Variants in PHACTR3 observed in about 807,000 individuals in gnomAD.
The protein encoded by PHACTR3 is protein phosphatase 1, regulatory subunit 123.
In PHACTR3, 16 loss-of-function variants were observed where a neutral mutation model predicts 66.8. The ratio of observed to expected loss-of-function variants is 0.24; its 90% CI spans 0.16 to 0.36. PHACTR3 has a LOEUF of 0.36. Ranked by LOEUF, PHACTR3 falls within the 10% of genes least tolerant of loss-of-function variation. The probability of loss-of-function intolerance (pLI) is 1.00; values close to 1 mark genes in which losing one functional copy is unlikely to be tolerated. For synonymous variants in PHACTR3, 323 were observed against 292.1 expected, an observed-to-expected ratio of 1.11 and a Z score of -1.08; for missense variants, 647 against 719.9, an observed-to-expected ratio of 0.90 and a Z score of 1.16.
chr20:59,737,242 T>C (rs1394654143), intron 1 of PHACTR3, among the ~76,000 whole-genome samples: 1 of 152,122 alleles, frequency 6.6e-6, no homozygotes, highest in Non-Finnish European at 1.5e-5. Flanking sequence ...TCACAGTCGG[T>C]CAGTCGACAC....
intron 5 of PHACTR3, among the ~76,000 whole-genome samples, chr20:59,768,640 G>A (rs960715721): frequency 3.9e-5 from 6 of 152,228 alleles, no homozygotes; most frequent in African/African-American, 1.4e-4. Flanking sequence ...AGAGGTGTCA[G>A]CTGCTGAGAC....
At chr20:59,843,492 A>G (rs192862406) in intron 11 of PHACTR3, 1 of 152,328 alleles carries the variant, frequency 6.6e-6, no homozygotes, top group African/African-American at 2.4e-5. Flanking sequence ...AAAGACACAT[A>G]GACCAATGGA....
rs71183177 is a variant in PHACTR3, at chr20:59,622,981, C to CAAAAAAAAAAA, written c.118+17859_118+17869dup. Among the ~76,000 whole-genome samples the CAAAAAAAAAAA allele has an allele frequency of 1.5e-3, 48 of 32,206 alleles. 8 individuals are homozygous for CAAAAAAAAAAA. The highest frequency in any genetic ancestry group is 1.9e-3 in the African/African-American group (14 of 7,246). 21.1% of individuals were successfully genotyped at this position (32,206 alleles called of 152,430 possible). On this transcript the variant is annotated intron_variant, in intron 1 of 12. Coordinates refer to ENST00000371015, the MANE Select transcript of PHACTR3 (RefSeq NM_080672.5). Reference sequence around the variant, plus strand: ...ATTCTAATTTTACAGCAGCTTTAACCAAAAAAAAAAAAAAAAAAAACCCAA... The same window carrying CAAAAAAAAAAA: ...ATTCTAATTTTACAGCAGCTTTAACCAAAAAAAAAAAAAAAAAAAAAAAAAAAAAAACCCAA...
At chr20:59,709,415 C>G (rs1416390) in intron 1 of PHACTR3, among the ~76,000 whole-genome samples, 52,059 of 152,072 alleles carry the variant, frequency 0.34, 9,813 homozygotes, top group Middle Eastern at 0.46. Context: ...TCTAAACCAC[C>G]CTTTGCCAGT....
At chr20:59,726,964 A>G (rs1208286371) in intron 1 of PHACTR3, among the ~76,000 whole-genome samples, 11 of 152,152 alleles carry the variant, frequency 7.2e-5, no homozygotes, top group Admixed American at 6.5e-4. Context: ...AATTTAAATA[A>G]CCAAAGAGTA....
rs2059154896 is a variant in PHACTR3 at position 59,846,678 on chromosome 20, A to ATT, written c.1665-436_1665-435dup. Among the ~76,000 whole-genome samples the ATT allele has an allele frequency of 4.6e-5, 7 of 152,146 alleles. No individual in the cohort carries two copies. In the South Asian group the frequency reaches 1.5e-3, roughly 32 times the overall value. On this transcript the variant is annotated intron_variant, in intron 12 of 12. Coordinates refer to ENST00000371015, the MANE Select transcript of PHACTR3 (RefSeq NM_080672.5). ...TAAAATGTGGTATAAAGACCCTAAA[A>ATT]TTATTTCAACAATTCAAGAGTCAGA...
chr20:59,589,675 T>C (rs776529526), intron 1 of PHACTR3, among the ~76,000 whole-genome samples: 2 of 152,180 alleles, frequency 1.3e-5, no homozygotes, highest in African/African-American at 2.4e-5. Flanking sequence ...AACAACTCTC[T>C]TAAGTATATA....
At chr20:59,657,594 T>C (rs1568682142) in intron 1 of PHACTR3, among the ~76,000 whole-genome samples, 1 of 152,164 alleles carries the variant, frequency 6.6e-6, no homozygotes, top group African/African-American at 2.4e-5. Context: ...ACAGTTGTTT[T>C]ATTTTCTCCT....
intron 7 of PHACTR3, among the ~76,000 whole-genome samples, chr20:59,775,588 T>C (rs1484239940): frequency 6.6e-6 from 1 of 151,412 alleles, no homozygotes; most frequent in Non-Finnish European, 1.5e-5. Flanking sequence ...ATGAAAGGGG[T>C]GGGGGTGCTG....
At chr20:59,700,395 T>C (rs1330239325) in intron 1 of PHACTR3, among the ~76,000 whole-genome samples, 2 of 152,248 alleles carry the variant, frequency 1.3e-5, no homozygotes, top group Non-Finnish European at 2.9e-5. Context: ...ACATATGTTC[T>C]GATGACTGCA....
chr20:59,604,422 A>AC (rs2033583551), upstream of PHACTR3: 1 of 181,782 alleles, frequency 5.5e-6, no homozygotes, highest in Non-Finnish European at 1.0e-5. Context: ...GGTATGTGCG[A>AC]CCCCTCCCAG....
At chr20:59,632,023 C>A (rs2034682552) in intron 1 of PHACTR3, among the ~76,000 whole-genome samples, 1 of 152,202 alleles carries the variant, frequency 6.6e-6, no homozygotes, top group Non-Finnish European at 1.5e-5. Context: ...TCTGAACCTG[C>A]CTCCCTATCG....
chr20:59,671,819 T>C (rs2036204943), intron 1 of PHACTR3, among the ~76,000 whole-genome samples: 1 of 152,224 alleles, frequency 6.6e-6, no homozygotes, highest in Admixed American at 6.5e-5. Context: ...ACCTGCCTTC[T>C]CCAGTTAGGC....
chr20:59,813,290 G>T (rs974663691), intron 8 of PHACTR3, among the ~76,000 whole-genome samples: 1 of 152,330 alleles, frequency 6.6e-6, no homozygotes, highest in South Asian at 2.1e-4. Context: ...AAGCGCTGAC[G>T]GTTTCTCTTG....
chr20:59,788,418 C>T (rs575498682), intron 7 of PHACTR3, among the ~76,000 whole-genome samples: 2 of 152,244 alleles, frequency 1.3e-5, no homozygotes, highest in South Asian at 4.1e-4. Flanking sequence ...AGCCCCTCCT[C>T]CCCCATTGTT....
At chr20:59,776,517 AGCCCCTGG>A (rs1409741093) in intron 7 of PHACTR3, among the ~76,000 whole-genome samples, 1 of 24,218 alleles carries the variant, frequency 4.1e-5, no homozygotes, top group Non-Finnish European at 2.6e-4. Flanking sequence ...CGGGGAGGAT[AGCCCCTGG>A]GGAGGACAGC....
intron 4 of PHACTR3, among the ~76,000 whole-genome samples, chr20:59,765,234 A>G (rs1441181225): frequency 2.0e-5 from 3 of 152,262 alleles, no homozygotes; most frequent in South Asian, 2.1e-4. Context: ...GTCAGATGAC[A>G]TAATGACAGT....
chr20:59,681,221 G>C (rs117396337), intron 1 of PHACTR3, among the ~76,000 whole-genome samples: 4,275 of 152,284 alleles, frequency 0.028, 80 homozygotes, highest in Middle Eastern at 0.065. Context: ...ATTTGCCCAT[G>C]CTGATTTGTT....
At chr20:59,621,924 C>A (rs2146366770) in intron 1 of PHACTR3, among the ~76,000 whole-genome samples, 1 of 152,344 alleles carries the variant, frequency 6.6e-6, no homozygotes, top group South Asian at 2.1e-4. Flanking sequence ...GGCACAGCCT[C>A]TGAGACTCAC....
Sources: allele counts gnomAD v4.1 joint callset (sites outside exome capture counted in the v4.1 genomes callset), GRCh38; gene constraint gnomAD v4.1.1; transcripts MANE v1.5; gene names NCBI Gene and HGNC (gene_info 2026-07-23, HGNC 2026-07-21).